The following NDST4 variants were observed in gnomAD, a reference collection of about 807,000 sequenced individuals.
NDST4 encodes the protein N-heparan sulfate sulfotransferase 4.
In NDST4, 63 loss-of-function variants were observed where a neutral mutation model predicts 100.8. The observed-to-expected ratio is 0.62, with a 90% CI of 0.51 to 0.77. NDST4 has a LOEUF of 0.77. NDST4 is among the 30% of genes least tolerant of loss of function. NDST4 has a pLI of 0.00. For missense variants in NDST4, 943 were observed against 1,018.4 expected (o/e 0.93, Z 1.01); for synonymous variants, 377 against 361.8 (o/e 1.04, Z -0.48).
intron 2 of NDST4, among the ~76,000 whole-genome samples, chr4:114,995,132 C>A (rs999908302): frequency 6.6e-6 from 1 of 152,004 alleles, no homozygotes; most frequent in Admixed American, 6.6e-5. Context: ...CTCATTATTA[C>A]TAATTTCACC....
chr4:115,011,306 T>C (rs1727540323), intron 2 of NDST4, among the ~76,000 whole-genome samples: 2 of 152,012 alleles, frequency 1.3e-5, no homozygotes, highest in African/African-American at 2.4e-5. Flanking sequence ...CATGCCATTC[T>C]GGTACTTATC....
In NDST4 at chr4:114,903,153, C is replaced by G. The variant is rs1318605610; in HGVS notation, c.1536+32053G>C. Among the ~76,000 whole-genome samples, 4 of 151,956 alleles carry G rather than the reference C, an allele frequency of 2.6e-5. No homozygotes were observed. The East Asian group carries it at 7.7e-4, about 29-fold the overall frequency. On this transcript the variant is annotated intron_variant, in intron 6 of 13. Transcript: ENST00000264363. ...TGCCTTGTATGCTTCGTAATTTTTT[C>G]TTGGCAGCCAGATATGATTACTGGA... is the stretch of plus-strand genomic sequence containing the variant.
At chr4:114,905,848 T>C (rs894787539) in intron 6 of NDST4, among the ~76,000 whole-genome samples, 1 of 152,062 alleles carries the variant, frequency 6.6e-6, no homozygotes, top group African/African-American at 2.4e-5. Flanking sequence ...TTCTGACACT[T>C]TAATAAATTG....
intron 6 of NDST4, among the ~76,000 whole-genome samples, chr4:114,891,123 T>C (rs186392373): frequency 1.3e-5 from 2 of 152,270 alleles, no homozygotes; most frequent in Non-Finnish European, 2.9e-5. Flanking sequence ...ACTTTTCCTT[T>C]GTCCTTGCAG....
At chr4:114,911,392 T>C (rs1217109873) in intron 6 of NDST4, among the ~76,000 whole-genome samples, 1 of 152,208 alleles carries the variant, frequency 6.6e-6, no homozygotes, top group African/African-American at 2.4e-5. Context: ...TACTTAGCTG[T>C]CTGCCAAACA....
chr4:115,084,202 C>T (rs1729363684), intron 1 of NDST4, among the ~76,000 whole-genome samples: 1 of 152,152 alleles, frequency 6.6e-6, no homozygotes, highest in Admixed American at 6.5e-5. Context: ...GGGATTCTTG[C>T]TATGCTTTAG....
chr4:115,112,216 C>T (rs989950828), intron 1 of NDST4, among the ~76,000 whole-genome samples: 1 of 146,146 alleles, frequency 6.8e-6, no homozygotes, highest in Admixed American at 6.8e-5. Context: ...AAAAAAAAAA[C>T]CTTTACATCG....
intron 2 of NDST4, among the ~76,000 whole-genome samples, chr4:114,978,996 C>T (rs1726705207): frequency 1.3e-5 from 2 of 152,088 alleles, no homozygotes; most frequent in Admixed American, 6.6e-5. Flanking sequence ...TTACTGATAA[C>T]TGAGTCTATC....
At chr4:115,048,499 G>A (rs1728511766) in intron 2 of NDST4, among the ~76,000 whole-genome samples, 1 of 152,058 alleles carries the variant, frequency 6.6e-6, no homozygotes, top group African/African-American at 2.4e-5. Context: ...ATTGCATTTT[G>A]ATCAAAAATC....
intron 4 of NDST4, among the ~76,000 whole-genome samples, chr4:114,969,321 G>GA (rs70964334): frequency 0.017 from 1,504 of 90,694 alleles, 38 homozygotes; most frequent in East Asian, 0.039. Context: ...CTCAAAAAAA[G>GA]AAAAAAAAAA....
At chr4:115,107,547 G>A (rs1444123641) in intron 1 of NDST4, among the ~76,000 whole-genome samples, 1 of 151,984 alleles carries the variant, frequency 6.6e-6, no homozygotes, top group Non-Finnish European at 1.5e-5. Flanking sequence ...GATTTACTGA[G>A]TTTCTGCCTT....
intron 4 of NDST4, among the ~76,000 whole-genome samples, chr4:114,967,777 C>T (rs1251780563): frequency 2.0e-5 from 3 of 151,890 alleles, no homozygotes; most frequent in African/African-American, 7.3e-5. Flanking sequence ...CTTGTAAATC[C>T]ATATTTTTTT....
intron 6 of NDST4, among the ~76,000 whole-genome samples, chr4:114,923,008 T>C (rs947443773): frequency 2.4e-4 from 37 of 152,128 alleles, no homozygotes; most frequent in African/African-American, 8.7e-4. Context: ...GATAGACAAA[T>C]AGGTTAAAGT....
At chr4:114,844,498 C>T (rs1302210365) in intron 10 of NDST4, among the ~76,000 whole-genome samples, 1 of 152,196 alleles carries the variant, frequency 6.6e-6, no homozygotes, top group Non-Finnish European at 1.5e-5. Flanking sequence ...TTAACATATA[C>T]TGTATCCTCT....
At chr4:114,945,810 G>C (rs1725849850) in intron 4 of NDST4, among the ~76,000 whole-genome samples, 1 of 152,136 alleles carries the variant, frequency 6.6e-6, no homozygotes, top group Admixed American at 6.6e-5. Flanking sequence ...ACTGTGTTTA[G>C]GGGACTGAAA....
chr4:115,025,498 A>T, intron 2 of NDST4, among the ~76,000 whole-genome samples: 1 of 152,146 alleles, frequency 6.6e-6, no homozygotes, highest in Admixed American at 6.6e-5. Flanking sequence ...ATTGAGGAAG[A>T]TTATTGAGAG....
intron 7 of NDST4, among the ~76,000 whole-genome samples, chr4:114,856,731 T>A (rs770454091): frequency 1.3e-5 from 2 of 152,176 alleles, no homozygotes; most frequent in Non-Finnish European, 2.9e-5. Context: ...ATTGTTGACA[T>A]GATATTTGGA....
chr4:114,863,750 C>G (rs1294683791), intron 7 of NDST4, among the ~76,000 whole-genome samples: 1 of 152,178 alleles, frequency 6.6e-6, no homozygotes, highest in Non-Finnish European at 1.5e-5. Context: ...ACAGGTGATG[C>G]ACATGGTTTG....
chr4:114,975,101 G>A (rs1726602146), intron 3 of NDST4, among the ~76,000 whole-genome samples: 1 of 152,078 alleles, frequency 6.6e-6, no homozygotes, highest in Non-Finnish European at 1.5e-5. Flanking sequence ...CAAGATAGGG[G>A]TAAGGCACGT....
Sources: gnomAD v4.1 joint callset for allele counts (sites outside exome capture counted in the v4.1 genomes callset) on GRCh38, gnomAD v4.1.1 for gene constraint, MANE v1.5 for transcripts, NCBI Gene and HGNC (gene_info 2026-07-23, HGNC 2026-07-21) for gene names.